The following STAU2 variants were observed in gnomAD, a reference collection of about 807,000 sequenced individuals.
The protein encoded by STAU2 is double-stranded RNA-binding protein Staufen homolog 2.
Under a neutral mutation model 65.9 loss-of-function variants are expected in STAU2, and 20 were observed. The observed-to-expected ratio is 0.30, with a 90% confidence interval of 0.21 to 0.44. The LOEUF is 0.44. STAU2 is among the 20% of genes least tolerant of loss of function. The pLI, the probability that STAU2 is intolerant of heterozygous loss-of-function variation, is 1.00. For missense variants in STAU2, 558 were observed against 683.9 expected, an observed-to-expected ratio of 0.82 and a Z score of 2.05; for synonymous variants, 232 against 233.9, an observed-to-expected ratio of 0.99 and a Z score of 0.07.
intron 13 of STAU2, chr8:73,439,785 C>T (rs78542818): frequency 1.3e-5 from 2 of 152,344 alleles, no homozygotes; most frequent in South Asian, 2.1e-4. Context: ...GACTCTCATT[C>T]GCAGTTAAAG....
At chr8:73,500,287 T>A (rs760332073) in intron 13 of STAU2, among the ~76,000 whole-genome samples, 1 of 151,924 alleles carries the variant, frequency 6.6e-6, no homozygotes, top group African/African-American at 2.4e-5. Flanking sequence ...TACCTCTAGA[T>A]TACTTATAAT....
At chr8:73,444,752 C>T (rs1818376111) in intron 13 of STAU2, among the ~76,000 whole-genome samples, 1 of 152,174 alleles carries the variant, frequency 6.6e-6, no homozygotes, top group African/African-American at 2.4e-5. Context: ...TCACAAAGCC[C>T]AGCACAGTGA....
chr8:73,632,252 G>C (rs573272830), intron 6 of STAU2, among the ~76,000 whole-genome samples: 3 of 150,938 alleles, frequency 2.0e-5, no homozygotes, highest in African/African-American at 4.9e-5. Flanking sequence ...CAACTATTAA[G>C]TTCAGTACAT....
At chr8:73,673,588 GTAT>G (rs1258063955) in intron 5 of STAU2, among the ~76,000 whole-genome samples, 1 of 152,060 alleles carries the variant, frequency 6.6e-6, no homozygotes, top group Non-Finnish European at 1.5e-5. Context: ...AAGCTTGCAT[GTAT>G]TTAATCATTA....
intron 13 of STAU2, among the ~76,000 whole-genome samples, chr8:73,452,561 G>A (rs987026945): frequency 6.6e-6 from 1 of 152,194 alleles, no homozygotes; most frequent in African/African-American, 2.4e-5. Context: ...GCAGGGCTGT[G>A]CTCTTCCCTC....
chr8:73,682,438 C>T (rs2130475356), intron 5 of STAU2, among the ~76,000 whole-genome samples: 1 of 151,748 alleles, frequency 6.6e-6, no homozygotes, highest in Middle Eastern at 3.4e-3. Context: ...ATAATAGTGA[C>T]ACAACTTATC....
Position 73,625,468 on chromosome 8 carries a change from T to C in STAU2, c.411-8017A>G, listed in dbSNP as rs376884849. Reference sequence around the variant, plus strand: ...TAGATACAAAAGAGTATATACTCTATGATTCCATTTAGACAAAATATCCAG... The same window carrying C: ...TAGATACAAAAGAGTATATACTCTACGATTCCATTTAGACAAAATATCCAG... On this transcript the variant is annotated intron_variant, in intron 6 of 14. Coordinates refer to ENST00000524300, the MANE Select transcript of STAU2 (RefSeq NM_001164380.2). Among the ~76,000 whole-genome samples, 40 of 152,324 alleles carry C rather than the reference T, an allele frequency of 2.6e-4. No homozygotes were observed. The South Asian group carries it at 8.3e-3, about 32-fold the overall frequency.
intron 13 of STAU2, among the ~76,000 whole-genome samples, chr8:73,449,720 TA>T (rs1180621704): frequency 6.6e-6 from 1 of 152,164 alleles, no homozygotes; most frequent in African/African-American, 2.4e-5. Context: ...CCCTCTTGAC[TA>T]AGCTCCTACA....
In STAU2 at chr8:73,456,647, A is replaced by G. The variant is rs183169227; in HGVS notation, c.1531-33945T>C. ...TATTCGGAGGTCTTGGGGAGTTTCT[A>G]TTGCATTCCGTCTTACCAGATAATT... On this transcript the variant is annotated intron_variant, in intron 13 of 14. Transcript: ENST00000524300. Among the ~76,000 whole-genome samples, 5 of 152,220 alleles carry G rather than the reference A, an allele frequency of 3.3e-5. 1 individual carries two copies. The highest frequency in any genetic ancestry group is 3.3e-4 in the Admixed American group (5 of 15,290).
intron 13 of STAU2, among the ~76,000 whole-genome samples, chr8:73,451,454 A>G (rs1818796425): frequency 6.6e-6 from 1 of 152,112 alleles, no homozygotes; most frequent in Non-Finnish European, 1.5e-5. Context: ...GCGGCTGGGT[A>G]TAAAGACAGA....
intron 5 of STAU2, among the ~76,000 whole-genome samples, chr8:73,674,086 T>A: frequency 6.9e-6 from 1 of 144,206 alleles, no homozygotes. Flanking sequence ...AAAATATAAA[T>A]ATATATTTGC....
At chr8:73,567,339 C>G (rs1010135549) in intron 12 of STAU2, among the ~76,000 whole-genome samples, 20 of 152,050 alleles carry the variant, frequency 1.3e-4, no homozygotes, top group Admixed American at 1.2e-3. Context: ...GAAACTCCAT[C>G]TCTACTAAAA....
chr8:73,640,854 C>T (rs1814907145), intron 6 of STAU2, among the ~76,000 whole-genome samples: 1 of 151,950 alleles, frequency 6.6e-6, no homozygotes, highest in Non-Finnish European at 1.5e-5. Flanking sequence ...ATTATTTTTA[C>T]CATATGTAAG....
At chr8:73,719,364 C>T (rs1038484189) in intron 3 of STAU2, among the ~76,000 whole-genome samples, 1 of 152,052 alleles carries the variant, frequency 6.6e-6, no homozygotes, top group African/African-American at 2.4e-5. Context: ...GAGATCGTGC[C>T]ACTTCAGCCT....
intron 13 of STAU2, among the ~76,000 whole-genome samples, chr8:73,478,305 TAAAA>T (rs10660977): frequency 1.2e-4 from 9 of 77,518 alleles, no homozygotes; most frequent in Admixed American, 2.9e-4. Context: ...ACTGATGAGC[TAAAA>T]AAAAAAAAAA....
chr8:73,496,446 T>C (rs760464425), intron 13 of STAU2, among the ~76,000 whole-genome samples: 41 of 151,630 alleles, frequency 2.7e-4, no homozygotes, highest in Admixed American at 4.6e-4. Flanking sequence ...GAAAGAACTG[T>C]ATCAGGTATC....
intron 6 of STAU2, among the ~76,000 whole-genome samples, chr8:73,644,108 A>C (rs1247806245): frequency 6.6e-6 from 1 of 152,208 alleles, no homozygotes; most frequent in Non-Finnish European, 1.5e-5. Flanking sequence ...ACCACAATGG[A>C]ATCAGACTAA....
At chr8:73,618,277 G>T (rs1218529141) in intron 6 of STAU2, among the ~76,000 whole-genome samples, 2 of 152,148 alleles carry the variant, frequency 1.3e-5, no homozygotes, top group Non-Finnish European at 2.9e-5. Flanking sequence ...AGAGGAAAGG[G>T]TTCAGAAGTG....
In STAU2 at chr8:73,679,685, C is replaced by A. The variant is rs1330311155; in HGVS notation, c.275-6443G>T. ...TCGCTTGAGCCCAGTTTGAGACAAG[C>A]CTGGCTAATATGGTGAAACCCTGTT... On this transcript the variant is annotated intron_variant, in intron 5 of 14. Coordinates refer to ENST00000524300, the MANE Select transcript of STAU2 (RefSeq NM_001164380.2). Among the ~76,000 whole-genome samples, 6 of 150,810 alleles carry A rather than the reference C, an allele frequency of 4.0e-5. 1 individual carries two copies. The highest frequency in any genetic ancestry group is 1.5e-4 in the African/African-American group (6 of 40,816).
Sources: gnomAD v4.1 joint callset for allele counts (sites outside exome capture counted in the v4.1 genomes callset) on GRCh38, gnomAD v4.1.1 for gene constraint, MANE v1.5 for transcripts, NCBI Gene and HGNC (gene_info 2026-07-23, HGNC 2026-07-21) for gene names.